Variants in YAE1 observed in about 807,000 individuals in gnomAD.
The protein encoded by YAE1 is YAE1 maturation factor of ABCE1, also known as protein YAE1 homolog.
YAE1 carries 22 observed loss-of-function variants against 23.0 expected under a neutral mutation model. That is an observed-to-expected ratio of 0.96 (90% CI 0.68 to 1.37). The LOEUF (loss-of-function observed/expected upper bound fraction) is 1.37. Among genes scored for constraint, YAE1 ranks in the 40% most tolerant of loss-of-function variants. YAE1 has a pLI of 0.00. For synonymous variants in YAE1, 101 were observed against 97.0 expected (o/e 1.04, Z -0.24); for missense variants, 260 against 262.1 (o/e 0.99, Z 0.06).
rs768960953 is a variant in YAE1 at position 39,570,677 on chromosome 7, G to T, written c.251+50G>T. ...AATCATTTTAACCTCAATACTACTG[G>T]AGGATGTTTCTGTATAAATAAAGTG... On this transcript the variant is annotated intron_variant, in intron 2 of 2. Coordinates refer to ENST00000223273, the MANE Select transcript of YAE1 (RefSeq NM_020192.5). 1.9e-5 allele frequency: 30 copies of T among 1,545,184 alleles called. No homozygotes were observed. In the South Asian group the frequency reaches 3.8e-4, roughly 20 times the overall value.
intron 2 of YAE1, among the ~76,000 whole-genome samples, chr7:39,581,933 A>AT (rs138077761): frequency 1.3e-4 from 19 of 150,272 alleles, no homozygotes; most frequent in East Asian, 3.9e-4. Flanking sequence ...GTAAAAGTTA[A>AT]TTTTTTTTTT....
chr7:39,603,746 G>C (rs753145210), intron 2 of YAE1, among the ~76,000 whole-genome samples: 2 of 152,164 alleles, frequency 1.3e-5, no homozygotes, highest in Non-Finnish European at 1.5e-5. Context: ...ACAAAGTTTA[G>C]TGTGTATTAT....
rs558151928 is a variant in YAE1 at position 39,592,168 on chromosome 7, A to G, written c.252-17449A>G. On this transcript the variant is annotated intron_variant, in intron 2 of 2. Transcript: ENST00000432096. ...TCTTTGTGCATGTTTTTGCATGAACATAGTTTTCAACTCCTTTGGGTAAAT... is the reference window on the plus strand; with the variant it reads ...TCTTTGTGCATGTTTTTGCATGAACGTAGTTTTCAACTCCTTTGGGTAAAT... Among the ~76,000 whole-genome samples, 114 of 152,358 alleles carry G rather than the reference A, an allele frequency of 7.5e-4. 1 individual carries two copies. Among genetic ancestry groups the G allele is most frequent in the African/African-American group, 2.7e-3 (111 of 41,594 alleles).
chr7:39,607,048 T>G (rs1344848006), intron 2 of YAE1, among the ~76,000 whole-genome samples: 1 of 152,234 alleles, frequency 6.6e-6, no homozygotes, highest in Non-Finnish European at 1.5e-5. Context: ...AGCCTCATAC[T>G]CTATGAAAAT....
downstream of YAE1, among the ~76,000 whole-genome samples, chr7:39,574,201 A>G (rs1054769931): frequency 6.6e-6 from 1 of 152,218 alleles, no homozygotes; most frequent in African/African-American, 2.4e-5. Flanking sequence ...TTGGCTACAT[A>G]TGGTGTGTTT....
At chr7:39,589,839 A>C (rs1270906588) in intron 2 of YAE1, among the ~76,000 whole-genome samples, 1 of 152,220 alleles carries the variant, frequency 6.6e-6, no homozygotes, top group Non-Finnish European at 1.5e-5. Context: ...CGCATTTAGG[A>C]AACTGTGGTC....
downstream of YAE1, among the ~76,000 whole-genome samples, chr7:39,576,983 C>T (rs1790664417): frequency 6.6e-6 from 1 of 152,162 alleles, no homozygotes; most frequent in Non-Finnish European, 1.5e-5. Context: ...CAACCTCCAC[C>T]TCCTGGGTTC....
At chr7:39,578,046 A>C (rs1005900887) in intron 2 of YAE1, among the ~76,000 whole-genome samples, 1 of 152,188 alleles carries the variant, frequency 6.6e-6, no homozygotes, top group Non-Finnish European at 1.5e-5. Context: ...ACCAGTCAGC[A>C]CTTGGTGTCT....
At chr7:39,609,736 C>G in exon 3 of YAE1, 1 of 1,535,474 alleles carries the variant, frequency 6.5e-7, no homozygotes, top group Non-Finnish European at 8.7e-7. Context: ...GGGGCGACAC[C>G]GAAGCAGCCC....
chr7:39,579,389 C>T (rs1254037236), intron 2 of YAE1, among the ~76,000 whole-genome samples: 3 of 152,138 alleles, frequency 2.0e-5, no homozygotes, highest in Admixed American at 6.5e-5. Context: ...GGACTGTGAG[C>T]TATGTGTTTA....
rs548059851 is a variant in YAE1 at position 39,570,851 on chromosome 7, TAAG to T, written c.251+229_251+231del. On this transcript the variant is annotated intron_variant, in intron 2 of 2. Transcript: ENST00000223273. Reference sequence around the variant, plus strand: ...ATTGTCTTTTCGTGCAAAGAAATGGTAAGAAGATGTATACTTCTGCTACCTGAA... The same window carrying T: ...ATTGTCTTTTCGTGCAAAGAAATGGTAAGATGTATACTTCTGCTACCTGAA... 9.9e-4 allele frequency: 469 copies of T among 475,104 alleles called. 4 individuals carry two copies. Among genetic ancestry groups the T allele is most frequent in the Middle Eastern group, 9.6e-3 (17 of 1,780 alleles). The allele number at this position is 475,104 out of a possible 1,614,324, so 29.4% of individuals were successfully genotyped here.
At chr7:39,586,271 C>T (rs1345481426) in intron 2 of YAE1, among the ~76,000 whole-genome samples, 1 of 147,304 alleles carries the variant, frequency 6.8e-6, no homozygotes, top group African/African-American at 2.5e-5. Flanking sequence ...CTCCCGGGTT[C>T]ACGCCATTCT....
rs527802741 is a variant in YAE1, at chr7:39,583,155, T to C, written c.251+12528T>C. ...ATAACATCCACTCAAAGAAATGTTATGCACCCATTAAAAGTTATCATTATG... is the reference window on the plus strand; with the variant it reads ...ATAACATCCACTCAAAGAAATGTTACGCACCCATTAAAAGTTATCATTATG... On this transcript the variant is annotated intron_variant, in intron 2 of 2. Coordinates refer to the YAE1 transcript ENST00000432096. Among the ~76,000 whole-genome samples, 65 of 152,362 alleles carry C rather than the reference T, an allele frequency of 4.3e-4. No individual in the cohort carries two copies. In the Middle Eastern group the frequency reaches 0.014, roughly 32 times the overall value.
chr7:39,582,394 G>A (rs187970985), intron 2 of YAE1, among the ~76,000 whole-genome samples: 6 of 152,210 alleles, frequency 3.9e-5, no homozygotes, highest in African/African-American at 9.6e-5. Flanking sequence ...CCTATCAGCT[G>A]TTTAGAAATG....
downstream of YAE1, chr7:39,610,346 A>G: frequency 2.1e-6 from 1 of 469,362 alleles, no homozygotes; most frequent in Non-Finnish European, 4.2e-6. Context: ...CATTTTTTGC[A>G]ACTGTTTGAT....
At chr7:39,609,467 G>C in intron 2 of YAE1, 1 of 1,011,114 alleles carries the variant, frequency 9.9e-7, no homozygotes, top group Non-Finnish European at 1.4e-6. Flanking sequence ...TTGGGAGAAT[G>C]GGGAAAGTTG....
At chr7:39,579,208 C>T (rs1790705745) in intron 2 of YAE1, among the ~76,000 whole-genome samples, 1 of 152,136 alleles carries the variant, frequency 6.6e-6, no homozygotes, top group African/African-American at 2.4e-5. Context: ...TTATGCCCAT[C>T]TTAGAGATTA....
At chr7:39,589,933 C>T (rs926647655) in intron 2 of YAE1, among the ~76,000 whole-genome samples, 1 of 152,160 alleles carries the variant, frequency 6.6e-6, no homozygotes. Context: ...CTATGACTCA[C>T]CGAAAGTCCC....
chr7:39,595,886 AATC>A (rs1790965840), intron 2 of YAE1, among the ~76,000 whole-genome samples: 2 of 152,366 alleles, frequency 1.3e-5, no homozygotes, highest in East Asian at 3.9e-4. Flanking sequence ...GATGAGAAGA[AATC>A]ATCTCTGCTT....
Sources: allele counts gnomAD v4.1 joint callset (sites outside exome capture counted in the v4.1 genomes callset), GRCh38; gene constraint gnomAD v4.1.1; transcripts MANE v1.5; gene names NCBI Gene and HGNC (gene_info 2026-07-23, HGNC 2026-07-21).